SLC39A9: variants seen among roughly 807,000 people sequenced by gnomAD.
SLC39A9 encodes the protein zinc transporter ZIP9.
Under a neutral mutation model 28.4 loss-of-function variants are expected in SLC39A9, and 14 were observed. That is an observed-to-expected ratio of 0.49 (90% CI 0.33 to 0.77). SLC39A9 has a LOEUF of 0.77. Among genes scored for constraint, SLC39A9 ranks in the 30% least tolerant of loss-of-function variants. The pLI, the probability that SLC39A9 is intolerant of heterozygous loss-of-function variation, is 0.02. For missense variants in SLC39A9, 283 were observed against 381.1 expected, an observed-to-expected ratio of 0.74 and a Z score of 2.14; for synonymous variants, 119 against 149.6, an observed-to-expected ratio of 0.80 and a Z score of 1.49.
chr14:69,401,310 A>C (rs976041442), intron 1 of SLC39A9, among the ~76,000 whole-genome samples: 1 of 152,058 alleles, frequency 6.6e-6, no homozygotes, highest in African/African-American at 2.4e-5. Context: ...AGCCTGTTTC[A>C]CTTATTTGGG....
At chr14:69,450,888 T>C (rs1885574865) in intron 3 of SLC39A9, among the ~76,000 whole-genome samples, 1 of 152,240 alleles carries the variant, frequency 6.6e-6, no homozygotes, top group Non-Finnish European at 1.5e-5. Flanking sequence ...GAAGTCATTA[T>C]TTTTGCTGGC....
chr14:69,423,257 AT>A (rs1883999479), intron 1 of SLC39A9, among the ~76,000 whole-genome samples: 1 of 152,160 alleles, frequency 6.6e-6, no homozygotes. Flanking sequence ...GACTTCCTAT[AT>A]CCATTAACAT....
Position 69,419,693 on chromosome 14 carries a change from G to A in SLC39A9, c.97-4401G>A, listed in dbSNP as rs560188681. ...TATGAATCCGGGTGCTCCTGTATTG[G>A]GTGCATATATGTTTAGGATAGTTAG... On this transcript the variant is annotated intron_variant, in intron 1 of 6. Coordinates refer to ENST00000336643, the MANE Select transcript of SLC39A9 (RefSeq NM_018375.5). 4.6e-5 allele frequency among the ~76,000 whole-genome samples: 7 copies of A among 152,228 alleles called. No individual in the cohort carries two copies. In the South Asian group the frequency reaches 1.2e-3, roughly 27 times the overall value.
In SLC39A9 at chr14:69,458,702, A is replaced by G. The variant is rs965562442; in HGVS notation, c.*109A>G. On this transcript the variant is annotated 3_prime_UTR_variant, in exon 7 of 7. Coordinates refer to ENST00000336643, the MANE Select transcript of SLC39A9 (RefSeq NM_018375.5). ...CTCTTGTCTCACCTTGCGCATCTCT[A>G]CATGTATTCCTAGAGTCCAGAGGGG... 1.4e-6 allele frequency: 2 copies of G among 1,441,106 alleles called. No homozygotes were observed. Among genetic ancestry groups the G allele is most frequent in the Admixed American group, 2.7e-5 (1 of 37,106 alleles). The allele number at this position is 1,441,106 out of a possible 1,614,324, so 89.3% of individuals were successfully genotyped here. A position where few individuals can be genotyped will look rare whatever the true frequency, so the allele number is the denominator to read the frequency against.
At chr14:69,407,331 T>TTCCTTCCTTC (rs1566906764) in intron 1 of SLC39A9, among the ~76,000 whole-genome samples, 1,822 of 134,028 alleles carry the variant, frequency 0.014, 24 homozygotes, top group Middle Eastern at 0.039. Context: ...TTCCTTCCTT[T>TTCCTTCCTTC]CTTCCTTCCT....
intron 2 of SLC39A9, among the ~76,000 whole-genome samples, chr14:69,437,484 G>A (rs1299696481): frequency 6.6e-6 from 1 of 152,130 alleles, no homozygotes; most frequent in Admixed American, 6.5e-5. Flanking sequence ...TAATCAGTGG[G>A]TGATTGACGT....
Position 69,460,258 on chromosome 14 carries a change from G to T in SLC39A9, c.*1665G>T. 1 of 985,794 alleles carries T rather than the reference G, an allele frequency of 1.0e-6. No individual in the cohort carries two copies. The highest frequency in any genetic ancestry group is 1.2e-6 in the Non-Finnish European group (1 of 829,940). 61.1% of individuals were successfully genotyped at this position (985,794 alleles called of 1,614,324 possible). Reference sequence around the variant, plus strand: ...CATGCCTATGATTTATTTCCTTCATGAATTTGTCACTGGATCAGCAGCTGT... The same window carrying T: ...CATGCCTATGATTTATTTCCTTCATTAATTTGTCACTGGATCAGCAGCTGT... On this transcript the variant is annotated 3_prime_UTR_variant, in exon 7 of 7. Coordinates refer to ENST00000336643, the MANE Select transcript of SLC39A9 (RefSeq NM_018375.5).
intron 1 of SLC39A9, among the ~76,000 whole-genome samples, chr14:69,422,939 A>G (rs1883979195): frequency 6.6e-6 from 1 of 152,246 alleles, no homozygotes; most frequent in East Asian, 1.9e-4. Context: ...TTTTTGTATG[A>G]CAAGAGGGAG....
intron 1 of SLC39A9, among the ~76,000 whole-genome samples, chr14:69,422,951 C>A (rs2140273398): frequency 6.6e-6 from 1 of 152,212 alleles, no homozygotes; most frequent in East Asian, 1.9e-4. Flanking sequence ...AAGAGGGAGT[C>A]CCTCAAACTT....
At chr14:69,431,313 G>A (rs1464747700) in intron 2 of SLC39A9, among the ~76,000 whole-genome samples, 1 of 151,818 alleles carries the variant, frequency 6.6e-6, no homozygotes. Flanking sequence ...ATTACGTATA[G>A]GCACTTTTTT....
chr14:69,438,376 G>A (rs929369468), intron 2 of SLC39A9, among the ~76,000 whole-genome samples: 9 of 152,246 alleles, frequency 5.9e-5, no homozygotes, highest in African/African-American at 1.9e-4. Flanking sequence ...CAAGAAAGAC[G>A]TTTGTATACA....
upstream of SLC39A9, chr14:69,398,593 A>C: frequency 3.2e-6 from 1 of 312,442 alleles, no homozygotes; most frequent in Non-Finnish European, 6.0e-6. Context: ...CTACTCAAAA[A>C]TGGCGGCAAC....
At chr14:69,457,125 T>C (rs984129668) in intron 6 of SLC39A9, among the ~76,000 whole-genome samples, 1 of 152,124 alleles carries the variant, frequency 6.6e-6, no homozygotes, top group Non-Finnish European at 1.5e-5. Context: ...TCTACTTTTT[T>C]AACAGAAAAG....
chr14:69,424,196 C>A lies in SLC39A9; in HGVS notation c.199C>A (p.Leu67Ile). 1 of 1,609,504 alleles carries A rather than the reference C, an allele frequency of 6.2e-7. No individual in the cohort carries two copies. Among genetic ancestry groups the A allele is most frequent in the South Asian group, 1.1e-5 (1 of 90,968 alleles). ...AGTACATGCCCTTTATGAAGATATT[C>A]TTGAGGGTGAGAAAGGGAAGAGCAT... ...EGVHALYEDI[L>I]EGKHHQASET... Residue 67 changes from leucine to isoleucine, a missense_variant, in exon 2 of 7, where the codon CTT (leucine) becomes ATT (isoleucine). Leu to Ile is a conservative substitution (Grantham distance 5, BLOSUM62 2). Coordinates refer to ENST00000336643, the MANE Select transcript of SLC39A9 (RefSeq NM_018375.5).
chr14:69,412,271 C>G (rs1473197086), intron 1 of SLC39A9, among the ~76,000 whole-genome samples: 2 of 151,608 alleles, frequency 1.3e-5, no homozygotes, highest in African/African-American at 4.8e-5. Flanking sequence ...CGCCTATAGT[C>G]CCAGCTGCTC....
rs1362119748 is a variant in SLC39A9, at chr14:69,458,212, T to C, written c.694-151T>C. On this transcript the variant is annotated intron_variant, in intron 6 of 6. Coordinates refer to ENST00000336643, the MANE Select transcript of SLC39A9 (RefSeq NM_018375.5). ...TAAACCCTTATTTGGAAGCTTCCCA[T>C]GAATAACTTAAAGTTGCTGTGTTCT... The C allele has an allele frequency of 1.3e-5, 12 of 891,090 alleles. No homozygotes were observed. In the East Asian group the frequency reaches 2.8e-4, roughly 21 times the overall value. 55.2% of individuals were successfully genotyped at this position (891,090 alleles called of 1,614,324 possible).
chr14:69,455,677 G>A (rs1305394950), intron 5 of SLC39A9, 55 bp from the exon 6 acceptor site: 11 of 1,603,344 alleles, frequency 6.9e-6, no homozygotes, highest in Non-Finnish European at 9.4e-6. Flanking sequence ...ACTTCTTGAT[G>A]TAGAAGCAAC....
At chr14:69,418,638 GGACGTTT>G (rs1282662530) in intron 1 of SLC39A9, among the ~76,000 whole-genome samples, 1 of 152,098 alleles carries the variant, frequency 6.6e-6, no homozygotes, top group Non-Finnish European at 1.5e-5. Flanking sequence ...GTCTGGTCCT[GGACGTTT>G]TTTGGTTGGT....
intron 1 of SLC39A9, among the ~76,000 whole-genome samples, chr14:69,421,850 A>C (rs975367973): frequency 4.6e-5 from 7 of 152,092 alleles, no homozygotes; most frequent in African/African-American, 1.7e-4. Flanking sequence ...GTTTGTTAAG[A>C]CTGTTGGAAA....
Sources: gnomAD v4.1 joint callset for allele counts (sites outside exome capture counted in the v4.1 genomes callset) on GRCh38, gnomAD v4.1.1 for gene constraint, MANE v1.5 for transcripts, NCBI Gene and HGNC (gene_info 2026-07-23, HGNC 2026-07-21) for gene names.